ARHGAP44: variants seen among roughly 807,000 people sequenced by gnomAD.
ARHGAP44 encodes Rho GTPase activating protein 44.
Under a neutral mutation model 106.8 loss-of-function variants are expected in ARHGAP44, and 43 were observed. The ratio of observed to expected loss-of-function variants is 0.40; its 90% CI spans 0.32 to 0.52. The LOEUF is 0.52. ARHGAP44 is among the 20% of genes least tolerant of loss of function. The probability of loss-of-function intolerance (pLI) is 0.48; values close to 1 mark genes in which losing one functional copy is unlikely to be tolerated. For synonymous variants in ARHGAP44, 439 were observed against 410.3 expected, an observed-to-expected ratio of 1.07 and a Z score of -0.85; for missense variants, 866 against 1,050.5, an observed-to-expected ratio of 0.82 and a Z score of 2.43.
At chr17:12,905,977 T>C (rs2037533960) in intron 3 of ARHGAP44, among the ~76,000 whole-genome samples, 1 of 152,202 alleles carries the variant, frequency 6.6e-6, no homozygotes, top group Non-Finnish European at 1.5e-5. Flanking sequence ...CTAGTAATTC[T>C]TTGTTGGAGG....
In ARHGAP44 at chr17:12,861,643, A is replaced by AC. The variant is rs2036079532; in HGVS notation, c.54-33296dup. On this transcript the variant is annotated intron_variant, in intron 1 of 20. Transcript: ENST00000379672. The stretch of plus-strand genomic sequence containing the variant: ...GAATTCCTCTTCTGCCTCCTCTTCC[A>AC]CTTTTTTTTTTTTTTGAGATGGAAT... Among the ~76,000 whole-genome samples, 53 of 25,294 alleles carry AC rather than the reference A, an allele frequency of 2.1e-3. 2 individuals are homozygous for AC. Among genetic ancestry groups the AC allele is most frequent in the African/African-American group, 6.0e-3 (50 of 8,270 alleles). 16.6% of individuals were successfully genotyped at this position (25,294 alleles called of 152,430 possible). A position where few individuals can be genotyped will look rare whatever the true frequency, so the allele number is the denominator to read the frequency against.
intron 4 of ARHGAP44, among the ~76,000 whole-genome samples, chr17:12,915,464 A>G (rs1023329459): frequency 6.6e-6 from 1 of 152,170 alleles, no homozygotes; most frequent in African/African-American, 2.4e-5. Context: ...ATAATTGTCT[A>G]TATATCCATG....
Position 12,901,496 on chromosome 17 carries a change from T to G in ARHGAP44, c.198+4985T>G, listed in dbSNP as rs1417006548. Among the ~76,000 whole-genome samples the G allele has an allele frequency of 2.6e-5, 4 of 152,072 alleles. No individual in the cohort carries two copies. The East Asian group carries it at 7.7e-4, about 29-fold the overall frequency. On this transcript the variant is annotated intron_variant, in intron 3 of 20. Transcript: ENST00000379672. ...GCCAGTTACACAGAGATGGGAACAA[T>G]TTCAGTGAGATGCAACGAGGACCTG...
At chr17:12,814,355 C>T (rs1199486623) in intron 1 of ARHGAP44, among the ~76,000 whole-genome samples, 1 of 151,444 alleles carries the variant, frequency 6.6e-6, no homozygotes, top group Admixed American at 6.6e-5. Flanking sequence ...ATTCTCCTGC[C>T]TCAGCCTCCC....
At chr17:12,901,809 C>T (rs1279055185) in intron 3 of ARHGAP44, among the ~76,000 whole-genome samples, 2 of 152,136 alleles carry the variant, frequency 1.3e-5, no homozygotes, top group Non-Finnish European at 2.9e-5. Flanking sequence ...TGTAAATCCA[C>T]GCACTTGCTC....
At chr17:12,845,324 A>G (rs929803101) in intron 1 of ARHGAP44, among the ~76,000 whole-genome samples, 2 of 152,080 alleles carry the variant, frequency 1.3e-5, no homozygotes, top group African/African-American at 4.8e-5. Flanking sequence ...CCTGGCCAAC[A>G]TGGTGAAACC....
chr17:12,947,275 C>T (rs2038876332), intron 10 of ARHGAP44, among the ~76,000 whole-genome samples: 1 of 152,188 alleles, frequency 6.6e-6, no homozygotes, highest in Admixed American at 6.5e-5. Context: ...TGACTTACTG[C>T]CAGCCTCCTT....
intron 6 of ARHGAP44, among the ~76,000 whole-genome samples, chr17:12,921,153 G>A (rs534735651): frequency 3.3e-5 from 5 of 151,464 alleles, no homozygotes; most frequent in East Asian, 3.9e-4. Flanking sequence ...TGCAACCTCC[G>A]CCTCCCAGGT....
At chr17:12,800,165 A>G (rs565569100) in intron 1 of ARHGAP44, among the ~76,000 whole-genome samples, 1 of 152,318 alleles carries the variant, frequency 6.6e-6, no homozygotes, top group Admixed American at 6.5e-5. Flanking sequence ...GACATGAAGC[A>G]TTTATTTTGT....
chr17:12,936,867 T>A (rs2038563507), intron 7 of ARHGAP44, among the ~76,000 whole-genome samples: 1 of 152,222 alleles, frequency 6.6e-6, no homozygotes, highest in South Asian at 2.1e-4. Context: ...TGTCAGTGTT[T>A]TGGATTTTGG....
chr17:12,946,756 A>G (rs914599768), intron 10 of ARHGAP44, among the ~76,000 whole-genome samples: 3 of 151,318 alleles, frequency 2.0e-5, no homozygotes, highest in Non-Finnish European at 4.4e-5. Context: ...AGCCGAGATC[A>G]CGCCACTGCA....
chr17:12,880,673 AGTGGTAGTGAAAT>A (rs1481373165), intron 1 of ARHGAP44, among the ~76,000 whole-genome samples: 1 of 42,176 alleles, frequency 2.4e-5, no homozygotes, highest in African/African-American at 4.9e-5. Context: ...CCCACTCACT[AGTGGTAGTGAAAT>A]CAACTAGTGG....
chr17:12,963,823 A>G (rs540972755), intron 16 of ARHGAP44, among the ~76,000 whole-genome samples: 154 of 147,556 alleles, frequency 1.0e-3, no homozygotes, highest in African/African-American at 3.7e-3. Context: ...GAACAAGCTT[A>G]AAAAAAAAAA....
intron 1 of ARHGAP44, among the ~76,000 whole-genome samples, chr17:12,863,108 TGA>T (rs2036136396): frequency 1.3e-5 from 2 of 152,060 alleles, no homozygotes; most frequent in South Asian, 4.1e-4. Context: ...GGCAACAAAG[TGA>T]GACCTCGTCT....
chr17:12,816,463 TAAA>T (rs2034600372), intron 1 of ARHGAP44, among the ~76,000 whole-genome samples: 1 of 151,676 alleles, frequency 6.6e-6, no homozygotes, highest in Non-Finnish European at 1.5e-5. Context: ...TTAAATATGA[TAAA>T]AAGGATGAAA....
chr17:12,835,171 G>T (rs116882379), intron 1 of ARHGAP44, among the ~76,000 whole-genome samples: 1 of 152,100 alleles, frequency 6.6e-6, no homozygotes, highest in Non-Finnish European at 1.5e-5. Flanking sequence ...TAGAATGTTC[G>T]TATCAAATCT....
chr17:12,793,341 A>G (rs9913107), intron 1 of ARHGAP44, among the ~76,000 whole-genome samples: 28,052 of 152,198 alleles, frequency 0.18, 4,400 homozygotes, highest in African/African-American at 0.42. Context: ...TTAGATGTCT[A>G]CTGTGTCCCA....
At chr17:12,839,870 C>G (rs182897524) in intron 1 of ARHGAP44, among the ~76,000 whole-genome samples, 8 of 152,292 alleles carry the variant, frequency 5.3e-5, no homozygotes, top group Non-Finnish European at 8.8e-5. Context: ...CTGATACTTA[C>G]AGGAAAATCG....
intron 1 of ARHGAP44, among the ~76,000 whole-genome samples, chr17:12,868,591 T>TTATATATATATATATATATA (rs1209692482): frequency 1.5e-4 from 7 of 47,150 alleles, no homozygotes; most frequent in Admixed American, 3.0e-4. Context: ...TATATGCATT[T>TTATATATATATATATATATA]TATATATATA....
Sources: allele counts gnomAD v4.1 joint callset (sites outside exome capture counted in the v4.1 genomes callset), GRCh38; gene constraint gnomAD v4.1.1; transcripts MANE v1.5; gene names NCBI Gene and HGNC (gene_info 2026-07-23, HGNC 2026-07-21).